SLC6A19: variants seen among roughly 807,000 people sequenced by gnomAD.
SLC6A19 encodes the protein sodium-dependent neutral amino acid transporter B(0)AT1.
SLC6A19 carries 67 observed loss-of-function variants against 68.3 expected under a neutral mutation model. The ratio of observed to expected loss-of-function variants is 0.98; its 90% CI spans 0.81 to 1.20. The LOEUF is 1.20. Ranked by LOEUF, SLC6A19 falls within the 50% of genes most tolerant of loss-of-function variation. SLC6A19 has a pLI of 0.00. For synonymous variants in SLC6A19, 392 were observed against 374.9 expected, an observed-to-expected ratio of 1.05 and a Z score of -0.53; for missense variants, 813 against 851.6, an observed-to-expected ratio of 0.95 and a Z score of 0.56.
At chr5:1,208,123 T>C (rs1280388034) in intron 1 of SLC6A19, among the ~76,000 whole-genome samples, 1 of 152,218 alleles carries the variant, frequency 6.6e-6, no homozygotes, top group Non-Finnish European at 1.5e-5. Flanking sequence ...CACAATGCCA[T>C]GTAACCAGCA....
In SLC6A19 at chr5:1,221,217, C is replaced by T. The variant is rs769158869; in HGVS notation, c.1605C>T (p.Arg535=). 11 of 1,614,036 alleles carry T rather than the reference C, an allele frequency of 6.8e-6. No individual in the cohort carries two copies. In the African/African-American group the frequency reaches 1.1e-4, roughly 16 times the overall value. The part of the protein sequence containing the change: ...KPNIFWQVTW[R]VVSPLLMLII... The stretch of plus-strand genomic sequence containing the variant: ...ACATCTTCTGGCAAGTCACGTGGCG[C>T]GTGGTCAGCCCCCTGCTCATGCTGA... Residue 535 remains arginine, a synonymous_variant, in exon 11 of 12, where the codon CGC becomes CGT. Coordinates refer to ENST00000304460, the MANE Select transcript of SLC6A19 (RefSeq NM_001003841.3).
In SLC6A19 at chr5:1,221,950, G is replaced by A; in HGVS notation, c.*46G>A. On this transcript the variant is annotated 3_prime_UTR_variant, in exon 12 of 12. Transcript: ENST00000304460. ...GCCATACACTGGTGTCAGGGAAGGA[G>A]GAACCAGCAAGACCTGTGGGGTGGG... The A allele has an allele frequency of 1.9e-6, 3 of 1,602,302 alleles. No individual in the cohort carries two copies. The highest frequency in any genetic ancestry group is 2.6e-6 in the Non-Finnish European group (3 of 1,172,306).
intron 3 of SLC6A19, among the ~76,000 whole-genome samples, chr5:1,210,875 G>T (rs891635395): frequency 2.0e-5 from 3 of 152,152 alleles, no homozygotes; most frequent in African/African-American, 7.2e-5. Context: ...CTGGGAGGCT[G>T]CTCCCTATTC....
rs925121057 is a variant in SLC6A19 at position 1,214,510 on chromosome 5, G to A, written c.887+445G>A. Among the ~76,000 whole-genome samples, 1 of 152,202 alleles carries A rather than the reference G, an allele frequency of 6.6e-6. No individual in the cohort carries two copies. Among genetic ancestry groups the A allele is most frequent in the Non-Finnish European group, 1.5e-5 (1 of 68,030 alleles). On this transcript the variant is annotated intron_variant, in intron 6 of 11. Transcript: ENST00000304460. The surrounding 1 kb of genome is among the most constrained non-coding windows in gnomAD (Gnocchi z 7.4). ...CCACTGCGCTTCCCAATGCCCCTGG[G>A]AAGGATGCATACCCTGGAGTCCCCA...
At position 1,219,000 on chromosome 5, in the gene SLC6A19, T is replaced by C. The variant is rs2126512183; in HGVS notation, c.1271T>C (p.Leu424Pro). The C allele has an allele frequency of 1.2e-6, 2 of 1,614,110 alleles. No individual in the cohort carries two copies. The highest frequency in any genetic ancestry group is 2.2e-5 in the South Asian group (2 of 91,086). Residue 424 changes from leucine to proline, a missense_variant, in exon 9 of 12, where the codon CTC (leucine) becomes CCC (proline). By Grantham distance (98) the Leu-to-Pro change is moderately conservative. Coordinates refer to ENST00000304460, the MANE Select transcript of SLC6A19 (RefSeq NM_001003841.3). Reference sequence around the variant, plus strand: ...TGGTCTGTGCTCTTCTTCATTATGCTCTTCTGCCTGGGGCTGTCATCTATG... The same window carrying C: ...TGGTCTGTGCTCTTCTTCATTATGCCCTTCTGCCTGGGGCTGTCATCTATG... ...PLWSVLFFIMLFCLGLSSMFG... is the reference protein window; with the variant it reads ...PLWSVLFFIMPFCLGLSSMFG...
chr5:1,215,731 G>T lies in SLC6A19; in HGVS notation c.888-827G>T, dbSNP rs558746882. On this transcript the variant is annotated intron_variant, in intron 6 of 11. Transcript: ENST00000304460. The surrounding 1 kb of genome is among the most constrained non-coding windows in gnomAD (Gnocchi z 5.1). ...CGCGTTTTTGTGGACGCATGCTTTC[G>T]TTCTTCTGGGTGTGCGCCTAGGAGT... Among the ~76,000 whole-genome samples, 2 of 152,178 alleles carry T rather than the reference G, an allele frequency of 1.3e-5. No individual in the cohort carries two copies. The highest frequency in any genetic ancestry group is 2.9e-5 in the Non-Finnish European group (2 of 68,042).
intron 1 of SLC6A19, among the ~76,000 whole-genome samples, chr5:1,207,200 C>T (rs1046911910): frequency 3.9e-5 from 6 of 152,220 alleles, no homozygotes; most frequent in South Asian, 4.1e-4. Context: ...CCGGTGTCCA[C>T]GCTGCCCTGG....
chr5:1,202,261 G>A (rs1745728857), intron 1 of SLC6A19, among the ~76,000 whole-genome samples: 1 of 152,212 alleles, frequency 6.6e-6, no homozygotes, highest in African/African-American at 2.4e-5. Context: ...CCAGTGCAGG[G>A]AGCAGAGGAG....
chr5:1,203,331 G>A (rs989432077), intron 1 of SLC6A19, among the ~76,000 whole-genome samples: 17 of 152,324 alleles, frequency 1.1e-4, no homozygotes, highest in African/African-American at 2.2e-4. Context: ...CGCTGTGCAC[G>A]GTGGAGCCTG....
intron 3 of SLC6A19, among the ~76,000 whole-genome samples, chr5:1,210,908 G>A (rs950519646): frequency 6.6e-6 from 1 of 152,174 alleles, no homozygotes; most frequent in African/African-American, 2.4e-5. Context: ...CATGGTGTCA[G>A]GACTGCCGCC....
intron 1 of SLC6A19, 60 bp from the exon 2 acceptor site, chr5:1,208,686 G>A (rs1745924295): frequency 1.2e-6 from 2 of 1,611,626 alleles, no homozygotes; most frequent in South Asian, 2.2e-5. Flanking sequence ...TGCTCCCGAG[G>A]GAGGCCTTCC....
rs1323493741 is a variant in SLC6A19 at position 1,214,605 on chromosome 5, G to A, written c.887+540G>A. ...AGCATTTATGAAGCACCTACTATGT[G>A]CCCGACCTGGTGCATCAGGACCTGC... On this transcript the variant is annotated intron_variant, in intron 6 of 11. Coordinates refer to ENST00000304460, the MANE Select transcript of SLC6A19 (RefSeq NM_001003841.3). This position sits in a 1 kb window ranked among gnomAD's most constrained non-coding sequence, Gnocchi z 7.4. Among the ~76,000 whole-genome samples, 1 of 152,154 alleles carries A rather than the reference G, an allele frequency of 6.6e-6. No individual in the cohort carries two copies. Among genetic ancestry groups the A allele is most frequent in the East Asian group, 1.9e-4 (1 of 5,174 alleles).
chr5:1,219,741 G>C (rs967201584), intron 10 of SLC6A19, 77 bp downstream of exon 10: 1 of 1,588,084 alleles, frequency 6.3e-7, no homozygotes, highest in South Asian at 1.1e-5. Context: ...GGGAGGACCC[G>C]GGCTGTGTTC....
At position 1,209,571 on chromosome 5, in the gene SLC6A19, C is replaced by T. The variant is rs533156414; in HGVS notation, c.343+685C>T. ...ACACCCTCTCGCTGAGTATCCAAGA[C>T]CTCCCTCCTCCCTCTCTCTTCCTCT... On this transcript the variant is annotated intron_variant, in intron 2 of 11. Coordinates refer to ENST00000304460, the MANE Select transcript of SLC6A19 (RefSeq NM_001003841.3). This position sits in a 1 kb window ranked among gnomAD's most constrained non-coding sequence, Gnocchi z 5.5. Among the ~76,000 whole-genome samples the T allele has an allele frequency of 2.0e-5, 3 of 151,442 alleles. No homozygotes were observed. Among genetic ancestry groups the T allele is most frequent in the Non-Finnish European group, 4.4e-5 (3 of 67,954 alleles).
Position 1,218,925 on chromosome 5 carries a change from C to A in SLC6A19, c.1196C>A (p.Ala399Asp). ...LSEAVEGTGL[A>D]FIVFTEAITK... ...CAGGCCGTGGAGGGCACAGGCCTGG[C>A]CTTCATCGTCTTCACCGAGGCCATC... is the stretch of plus-strand genomic sequence containing the variant. Residue 399 changes from alanine to aspartate, a missense_variant, in exon 9 of 12, where the codon GCC becomes GAC. By Grantham distance (126) the Ala-to-Asp change is moderately radical. Coordinates refer to ENST00000304460, the MANE Select transcript of SLC6A19 (RefSeq NM_001003841.3). The A allele has an allele frequency of 6.2e-7, 1 of 1,613,830 alleles. No individual in the cohort carries two copies.
rs1333462126 is a variant in SLC6A19, at chr5:1,222,026, AGT to A, written c.*129_*130del. ...AAGCGTGAGTGTATGCTCGTGTGTG[AGT>A]GTGTGTATTGTACACGCATGTGCCA... On this transcript the variant is annotated 3_prime_UTR_variant, in exon 12 of 12. Transcript: ENST00000304460. 2.7e-6 allele frequency: 3 copies of A among 1,099,238 alleles called. No homozygotes were observed. Among genetic ancestry groups the A allele is most frequent in the Non-Finnish European group, 2.6e-6 (2 of 755,296 alleles). 68.1% of individuals were successfully genotyped at this position (1,099,238 alleles called of 1,614,324 possible). A position where few individuals can be genotyped will look rare whatever the true frequency, so the allele number is the denominator to read the frequency against.
intron 6 of SLC6A19, 84 bp from the exon 7 acceptor site, chr5:1,216,474 T>C: frequency 6.2e-7 from 1 of 1,600,760 alleles, no homozygotes; most frequent in Non-Finnish European, 8.5e-7. Context: ...GCTGGCGCTC[T>C]GGGCGGGATG....
intron 3 of SLC6A19, 143 bp downstream of exon 3, chr5:1,210,724 C>A (rs999974326): frequency 6.4e-6 from 8 of 1,258,938 alleles, no homozygotes; most frequent in Non-Finnish European, 8.9e-6. Flanking sequence ...AATGACAGCA[C>A]GAAAGAAAAG....
rs1266122717 is a variant in SLC6A19 at position 1,215,350 on chromosome 5, C to T, written c.888-1208C>T. On this transcript the variant is annotated intron_variant, in intron 6 of 11. Coordinates refer to ENST00000304460, the MANE Select transcript of SLC6A19 (RefSeq NM_001003841.3). This position sits in a 1 kb window ranked among gnomAD's most constrained non-coding sequence, Gnocchi z 5.1. ...TTGTGAAGCCAGCCATCAGCACTGT[C>T]CAGTTCTAGAAGGTTCCAATCAGCA... is the stretch of plus-strand genomic sequence containing the variant. 6.6e-6 allele frequency among the ~76,000 whole-genome samples: 1 copy of T among 152,206 alleles called. No homozygotes were observed. The highest frequency in any genetic ancestry group is 2.4e-5 in the African/African-American group (1 of 41,448).
Sources: gnomAD v4.1 joint callset for allele counts (sites outside exome capture counted in the v4.1 genomes callset) on GRCh38, gnomAD v4.1.1 for gene constraint, Gnocchi (gnomAD v3.1) non-coding constraint, MANE v1.5 for transcripts, NCBI Gene and HGNC (gene_info 2026-07-23, HGNC 2026-07-21) for gene names.